The following LRRC41 variants were observed in gnomAD, a reference collection of about 807,000 sequenced individuals.
The protein encoded by LRRC41 is leucine rich repeat containing 41, also known as leucine-rich repeat-containing protein 41.
LRRC41 carries 17 observed loss-of-function variants against 72.1 expected under a neutral mutation model. The observed-to-expected ratio is 0.24, with a 90% CI of 0.16 to 0.35. The LOEUF (loss-of-function observed/expected upper bound fraction) is 0.35, where lower values mean the gene tolerates loss of function less well. LRRC41 is among the 10% of genes least tolerant of loss of function. LRRC41 has a pLI of 1.00. For missense variants in LRRC41, 759 were observed against 1,065.0 expected (o/e 0.71, Z 4.00); for synonymous variants, 427 against 431.0 (o/e 0.99, Z 0.11).
At position 46,282,356 on chromosome 1, in the gene LRRC41, T is replaced by C. The variant is rs1020316695; in HGVS notation, c.1496-971A>G. On this transcript the variant is annotated intron_variant, in intron 4 of 9. Transcript: ENST00000617190. The stretch of plus-strand genomic sequence containing the variant: ...CAGCATGGACTAGGATCCAGGAAGG[T>C]TGGTTGCTTAATGCCACAGGCAAAT... 3.9e-5 allele frequency among the ~76,000 whole-genome samples: 6 copies of C among 152,222 alleles called. No individual in the cohort carries two copies. The East Asian group carries it at 1.2e-3, about 29-fold the overall frequency.
At chr1:46,291,888 G>C (rs1263221549) in intron 3 of LRRC41, among the ~76,000 whole-genome samples, 1 of 151,868 alleles carries the variant, frequency 6.6e-6, no homozygotes, top group Non-Finnish European at 1.5e-5. Context: ...GAGGGTCTCT[G>C]TCAGCCAGGC....
chr1:46,300,706 T>C (rs1413394098), intron 1 of LRRC41: 2 of 152,318 alleles, frequency 1.3e-5, no homozygotes, highest in Non-Finnish European at 2.9e-5. Context: ...AGGTATAATA[T>C]ACCTTATTTT....
chr1:46,299,168 A>C (rs1335415933), intron 1 of LRRC41: 1 of 152,246 alleles, frequency 6.6e-6, no homozygotes, highest in Non-Finnish European at 1.5e-5. Context: ...CCTCTAGAGT[A>C]GGACAAATCT....
chr1:46,278,032 T>C lies in LRRC41; in HGVS notation c.*833A>G. 1 of 1,614,102 alleles carries C rather than the reference T, an allele frequency of 6.2e-7. No homozygotes were observed. Among genetic ancestry groups the C allele is most frequent in the South Asian group, 1.1e-5 (1 of 91,070 alleles). ...CTAAGCTACCCACACAGTAGGGAGATGGGATCTGTAGTGACTTCAGCTGTG... is the reference window on the plus strand; with the variant it reads ...CTAAGCTACCCACACAGTAGGGAGACGGGATCTGTAGTGACTTCAGCTGTG... On this transcript the variant is annotated 3_prime_UTR_variant, in exon 10 of 10. Transcript: ENST00000617190.
rs1221995564 is a variant in LRRC41 at position 46,277,888 on chromosome 1, T to A, written c.*977A>T. On this transcript the variant is annotated 3_prime_UTR_variant, in exon 10 of 10. Transcript: ENST00000617190. ...AGGCACTGAGCAGCTGTGTGGTGGA[T>A]GAGGAGCAGGATGTAGAGCGCCACT... 6.2e-7 allele frequency: 1 copy of A among 1,614,006 alleles called. No individual in the cohort carries two copies. Among genetic ancestry groups the A allele is most frequent in the Non-Finnish European group, 8.5e-7 (1 of 1,179,968 alleles).
rs1569625531 is a variant in LRRC41, at chr1:46,277,481, A to G, written c.*1384T>C. 8.3e-5 allele frequency: 33 copies of G among 398,806 alleles called. 2 individuals carry two copies. The highest frequency in any genetic ancestry group is 5.5e-4 in the South Asian group (24 of 43,436). 24.7% of individuals were successfully genotyped at this position (398,806 alleles called of 1,614,324 possible). On this transcript the variant is annotated 3_prime_UTR_variant, in exon 10 of 10. Transcript: ENST00000617190. Reference sequence around the variant, plus strand: ...CTGGAATAGAATAGATACCTAAATGATATTTATTGAATGAGTTAGAGTTGG... The same window carrying G: ...CTGGAATAGAATAGATACCTAAATGGTATTTATTGAATGAGTTAGAGTTGG...
rs760326456 is a variant in LRRC41, at chr1:46,286,533, T to C, written c.358-34A>G. On this transcript the variant is annotated intron_variant, in intron 3 of 9. Coordinates refer to ENST00000617190, the MANE Select transcript of LRRC41 (RefSeq NM_006369.5). This position sits in a 1 kb window ranked among gnomAD's most constrained non-coding sequence, Gnocchi z 5.5. ...CAGAAAACATGCCAGACAGCCATGA[T>C]ATATCCATGAAACTGTCCAAATTTC... 7 of 1,552,812 alleles carry C rather than the reference T, an allele frequency of 4.5e-6. No homozygotes were observed. The East Asian group carries it at 1.4e-4, about 30-fold the overall frequency.
intron 3 of LRRC41, among the ~76,000 whole-genome samples, chr1:46,294,588 A>G (rs1661085389): frequency 7.0e-6 from 1 of 142,900 alleles, no homozygotes; most frequent in Non-Finnish European, 1.5e-5. Flanking sequence ...TTTTACAACT[A>G]ATTCTTTTTT....
At chr1:46,300,468 C>A (rs192539819) in intron 1 of LRRC41, 4 of 152,118 alleles carry the variant, frequency 2.6e-5, no homozygotes, top group Non-Finnish European at 5.9e-5. Context: ...AGTAGGTCCT[C>A]GATGTACGGG....
Position 46,303,502 on chromosome 1 carries a change from A to G in LRRC41, c.-180T>C, listed in dbSNP as rs1305737917. 4 of 748,338 alleles carry G rather than the reference A, an allele frequency of 5.3e-6. No homozygotes were observed. Among genetic ancestry groups the G allele is most frequent in the Admixed American group, 3.0e-5 (1 of 33,828 alleles). 46.4% of individuals were successfully genotyped at this position (748,338 alleles called of 1,614,324 possible). A position where few individuals can be genotyped will look rare whatever the true frequency, so the allele number is the denominator to read the frequency against. The stretch of plus-strand genomic sequence containing the variant: ...GCTACTATTTTAGATAAACTCCTAG[A>G]TCAATTATACTTGGGTGTGGTATGA... On this transcript the variant is annotated 5_prime_UTR_variant, in exon 1 of 10. Transcript: ENST00000617190.
chr1:46,281,859 A>G (rs1267779476), intron 4 of LRRC41, among the ~76,000 whole-genome samples: 1 of 152,216 alleles, frequency 6.6e-6, no homozygotes, highest in African/African-American at 2.4e-5. Flanking sequence ...TGGGCAGATC[A>G]CTTGAGGCCA....
chr1:46,281,372 G>T lies in LRRC41; in HGVS notation c.1509C>A (p.Asn503Lys). 1.2e-6 allele frequency: 2 copies of T among 1,614,200 alleles called. 1 individual carries two copies. Among genetic ancestry groups the T allele is most frequent in the South Asian group, 2.2e-5 (2 of 91,086 alleles). Residue 503 changes from asparagine (N) to lysine (K), a missense_variant, in exon 5 of 10, where the codon AAC becomes AAA. Coordinates refer to ENST00000617190, the MANE Select transcript of LRRC41 (RefSeq NM_006369.5). ...LTLSYNGLGS[N>K]IFRLLDSLRA... ...GCAGGCTGTCTAGCAGGCGGAAGAT[G>T]TTAGAGCCCAGGCCTATGGCAAGAA... is the stretch of plus-strand genomic sequence containing the variant.
Position 46,303,595 on chromosome 1 carries a change from G to T in LRRC41, c.-273C>A. On this transcript the variant is annotated 5_prime_UTR_variant, in exon 1 of 10. Transcript: ENST00000617190. ...TCAGCTACCCCTAACCTCTGCCTGC[G>T]GCTGGTAGTACATGCCAATCTGAGC... is the stretch of plus-strand genomic sequence containing the variant. 1.0e-6 allele frequency: 1 copy of T among 1,003,810 alleles called. No homozygotes were observed. The highest frequency in any genetic ancestry group is 1.5e-6 in the Non-Finnish European group (1 of 684,792). 62.2% of individuals were successfully genotyped at this position (1,003,810 alleles called of 1,614,324 possible). A position where few individuals can be genotyped will look rare whatever the true frequency, so the allele number is the denominator to read the frequency against.
At position 46,277,530 on chromosome 1, in the gene LRRC41, GC is replaced by G; in HGVS notation, c.*1334del. The G allele has an allele frequency of 2.1e-6, 1 of 484,876 alleles. No individual in the cohort carries two copies. The highest frequency in any genetic ancestry group is 3.8e-6 in the Non-Finnish European group (1 of 265,722). 30.0% of individuals were successfully genotyped at this position (484,876 alleles called of 1,614,324 possible). On this transcript the variant is annotated 3_prime_UTR_variant, in exon 10 of 10. Coordinates refer to ENST00000617190, the MANE Select transcript of LRRC41 (RefSeq NM_006369.5). The stretch of plus-strand genomic sequence containing the variant: ...GGGCTTGGTGCAGAAATCTGAAGCT[GC>G]AGCAGACAAACCTCAGTTCACCCTG...
chr1:46,278,979 G>C lies in LRRC41; in HGVS notation c.2325C>G (p.Asp775Glu). Residue 775 changes from aspartate (D) to glutamate (E), a missense_variant, in exon 10 of 10, where the codon GAC (aspartate) becomes GAG (glutamate). Coordinates refer to ENST00000617190, the MANE Select transcript of LRRC41 (RefSeq NM_006369.5). ...CTTCCCTGGCTGTGACTGCATCCTG[G>C]TCCAGCCAGTTTTGGAAGAGGCGCA... ...GHLRLFQNWL[D>E]QDAVTAREAI... 1.9e-6 allele frequency: 3 copies of C among 1,614,032 alleles called. No individual in the cohort carries two copies. The highest frequency in any genetic ancestry group is 1.7e-6 in the Non-Finnish European group (2 of 1,180,028).
Position 46,285,827 on chromosome 1 carries a change from G to A in LRRC41, c.1030C>T (p.Pro344Ser), listed in dbSNP as rs765411566. ...GGAGCCTCATGGGAGGTGGCTGGGG[G>A]GTGCAGCTCCCTCTTAAGGTCTGTT... ...GGTDLKRELH[P>S]PATSHEAPGT... The change falls in exon 4 of 10, where the codon CCC (proline) becomes TCC (serine). Residue 344 changes from proline to serine, a missense_variant. Pro to Ser is a moderately conservative substitution (Grantham distance 74, BLOSUM62 -1). Around this residue, in one of 4 missense-constraint regions of LRRC41, gnomAD observed 427 missense variants for 520.9 expected, o/e 0.82. Transcript: ENST00000617190. This position sits in a 1 kb window ranked among gnomAD's most constrained non-coding sequence, Gnocchi z 5.3. 1.1e-5 allele frequency: 18 copies of A among 1,594,010 alleles called. No individual in the cohort carries two copies. The South Asian group carries it at 2.0e-4, about 18-fold the overall frequency.
intron 3 of LRRC41, among the ~76,000 whole-genome samples, chr1:46,288,485 A>G (rs1045748627): frequency 1.3e-5 from 2 of 152,338 alleles, no homozygotes; most frequent in East Asian, 3.9e-4. Context: ...TGGGATATGA[A>G]ATGGAGGCAG....
chr1:46,297,639 A>T lies in LRRC41; in HGVS notation c.287-6T>A. The T allele has an allele frequency of 6.2e-7, 1 of 1,611,708 alleles. No homozygotes were observed. Among genetic ancestry groups the T allele is most frequent in the Non-Finnish European group, 8.5e-7 (1 of 1,177,770 alleles). ...GATGGCCTGAGTTGAGAGGCCTGTA[A>T]GGAGAAATATCACACTTGGCTGCTT... On this transcript the variant is annotated splice_region_variant and splice_polypyrimidine_tract_variant and intron_variant, in intron 2 of 9. Transcript: ENST00000617190.
At position 46,285,757 on chromosome 1, in the gene LRRC41, G is replaced by A. The variant is rs1230823268; in HGVS notation, c.1100C>T (p.Ala367Val). 6.2e-7 allele frequency: 1 copy of A among 1,601,318 alleles called. No individual in the cohort carries two copies. The highest frequency in any genetic ancestry group is 2.2e-5 in the East Asian group (1 of 44,724). The change falls in exon 4 of 10, where the codon GCC (alanine) becomes GTC (valine). Residue 367 changes from alanine to valine, a missense_variant. Ala to Val is a moderately conservative substitution (Grantham distance 64, BLOSUM62 0). This residue lies in a region of LRRC41 where 427 missense variants were observed against 520.9 expected (regional missense o/e 0.82). Transcript: ENST00000617190. The surrounding 1 kb of genome is among the most constrained non-coding windows in gnomAD (Gnocchi z 5.3). ...SPSAPAATSSASSSTSSYKRA... is the reference protein window; with the variant it reads ...SPSAPAATSSVSSSTSSYKRA... ...TTTGTATGAGGATGTAGAAGAAGAG[G>A]CAGAGGAGGTGGCTGCTGGAGCAGA...
Sources: gnomAD v4.1 joint callset for allele counts (sites outside exome capture counted in the v4.1 genomes callset) on GRCh38, gnomAD v4.1.1 for gene constraint, gnomAD v4.1.1 regional missense constraint, Gnocchi (gnomAD v3.1) non-coding constraint, MANE v1.5 for transcripts, NCBI Gene and HGNC (gene_info 2026-07-23, HGNC 2026-07-21) for gene names.